CSMD1: variants seen among roughly 807,000 people sequenced by gnomAD.
CSMD1 encodes the protein CUB and sushi domain-containing protein 1.
CSMD1 carries 213 observed loss-of-function variants against 417.5 expected under a neutral mutation model. The observed-to-expected ratio is 0.51, with a 90% confidence interval of 0.46 to 0.57. CSMD1 has a LOEUF of 0.57. CSMD1 is among the 20% of genes least tolerant of loss of function. The pLI, the probability that CSMD1 is intolerant of heterozygous loss-of-function variation, is 0.00. For synonymous variants in CSMD1, 2,862 were observed against 1,736.8 expected (o/e 1.65, Z -16.11); for missense variants, 6,923 against 4,529.7 (o/e 1.53, Z -15.17).
chr8:3,012,108 C>T (rs1168102916), intron 52 of CSMD1, among the ~76,000 whole-genome samples: 5 of 152,052 alleles, frequency 3.3e-5, no homozygotes, highest in African/African-American at 9.7e-5. Flanking sequence ...CAGGAGTGAT[C>T]GTGTTGATGA....
chr8:3,158,691 A>T (rs1585510833), intron 38 of CSMD1, among the ~76,000 whole-genome samples: 1 of 151,628 alleles, frequency 6.6e-6, no homozygotes, highest in East Asian at 1.9e-4. Context: ...TTGTGCTAAC[A>T]TCTCTTTCTC....
chr8:4,056,530 A>T (rs889070534), intron 3 of CSMD1, among the ~76,000 whole-genome samples: 2 of 151,398 alleles, frequency 1.3e-5, no homozygotes, highest in Non-Finnish European at 1.5e-5. Flanking sequence ...ATTTAATTTC[A>T]ATTTTATTAT....
Position 3,215,425 on chromosome 8 carries a change from A to G in CSMD1, c.4673-734T>C, listed in dbSNP as rs986989648. Among the ~76,000 whole-genome samples the G allele has an allele frequency of 3.3e-5, 5 of 152,192 alleles. 1 individual carries two copies. Among genetic ancestry groups the G allele is most frequent in the Admixed American group, 3.3e-4 (5 of 15,284 alleles). The stretch of plus-strand genomic sequence containing the variant: ...AGGGCTCATTATGTACCAGACATGG[A>G]ACTAGGTGCATTTCTTGTTTAATTC... On this transcript the variant is annotated intron_variant, in intron 29 of 69. Coordinates refer to ENST00000635120, the MANE Select transcript of CSMD1 (RefSeq NM_033225.6).
At chr8:4,514,556 A>G (rs1038778805) in intron 2 of CSMD1, among the ~76,000 whole-genome samples, 4 of 152,224 alleles carry the variant, frequency 2.6e-5, no homozygotes, top group African/African-American at 7.2e-5. Flanking sequence ...CGCTAATTCC[A>G]ACTCAAAACT....
intron 1 of CSMD1, among the ~76,000 whole-genome samples, chr8:4,804,823 C>CTGA (rs1464696535): frequency 6.6e-6 from 1 of 152,160 alleles, no homozygotes; most frequent in Admixed American, 6.5e-5. Flanking sequence ...GATATGATTA[C>CTGA]TGATACTATT....
chr8:3,877,398 G>C (rs550670820), intron 5 of CSMD1, among the ~76,000 whole-genome samples: 2 of 152,192 alleles, frequency 1.3e-5, no homozygotes, highest in Admixed American at 6.5e-5. Flanking sequence ...CCGAACCCAC[G>C]TTCCATACAG....
At chr8:4,371,544 A>T (rs948767454) in intron 3 of CSMD1, among the ~76,000 whole-genome samples, 2 of 152,158 alleles carry the variant, frequency 1.3e-5, no homozygotes, top group South Asian at 2.1e-4. Flanking sequence ...ATCGTTATAA[A>T]TTTTTTAAAG....
At chr8:3,182,112 T>C (rs1009377770) in intron 36 of CSMD1, among the ~76,000 whole-genome samples, 25 of 152,318 alleles carry the variant, frequency 1.6e-4, no homozygotes, top group African/African-American at 5.8e-4. Flanking sequence ...AGTACTGCTG[T>C]ATAAAGGGAG....
At chr8:3,317,658 C>A (rs186699454) in intron 23 of CSMD1, among the ~76,000 whole-genome samples, 2 of 152,124 alleles carry the variant, frequency 1.3e-5, no homozygotes, top group Non-Finnish European at 2.9e-5. Context: ...GTAGAACCAG[C>A]CTACAGTTAT....
In CSMD1 at chr8:3,586,396, G is replaced by A. The variant is rs563190511; in HGVS notation, c.1098-136C>T. On this transcript the variant is annotated intron_variant, in intron 8 of 69. Transcript: ENST00000635120. The stretch of plus-strand genomic sequence containing the variant: ...GCCTAAGACATTAAGCAACTCATTA[G>A]GTAGTATGTATAGAGGCAACCCTGT... 48 of 794,272 alleles carry A rather than the reference G, an allele frequency of 6.0e-5. No individual in the cohort carries two copies. The Admixed American group carries it at 7.9e-4, about 13-fold the overall frequency. The allele number at this position is 794,272 out of a possible 1,614,324, so 49.2% of individuals were successfully genotyped here.
chr8:3,869,431 T>G (rs1050698405), intron 5 of CSMD1, among the ~76,000 whole-genome samples: 1 of 152,208 alleles, frequency 6.6e-6, no homozygotes, highest in African/African-American at 2.4e-5. Flanking sequence ...TCCAATCCTG[T>G]CCTGCCTTCA....
chr8:3,732,828 T>C (rs1796335456), intron 6 of CSMD1, among the ~76,000 whole-genome samples: 2 of 152,206 alleles, frequency 1.3e-5, no homozygotes, highest in Admixed American at 6.5e-5. Context: ...CAGGTATTTA[T>C]CGAGTGATTC....
chr8:3,817,925 A>G (rs1468821990), intron 5 of CSMD1, among the ~76,000 whole-genome samples: 1 of 152,192 alleles, frequency 6.6e-6, no homozygotes, highest in African/African-American at 2.4e-5. Context: ...ACTACCAGAC[A>G]AAAACCTGGT....
In CSMD1 at chr8:4,792,432, CCAAT is replaced by C. The variant is rs572446634; in HGVS notation, c.86-154878_86-154875del. 1.6e-3 allele frequency among the ~76,000 whole-genome samples: 248 copies of C among 152,280 alleles called. 1 individual carries two copies. Among genetic ancestry groups the C allele is most frequent in the African/African-American group, 5.7e-3 (236 of 41,554 alleles). On this transcript the variant is annotated intron_variant, in intron 1 of 69. Transcript: ENST00000635120. ...TACTCAATATTCAGCAGTGGTACAG[CCAAT>C]CAGTCTATCTTTGAACTCATCAGCT...
chr8:3,532,930 C>T (rs527760505), intron 10 of CSMD1, among the ~76,000 whole-genome samples: 1 of 152,240 alleles, frequency 6.6e-6, no homozygotes, highest in East Asian at 1.9e-4. Flanking sequence ...TGACATAGCA[C>T]ATATACTTTC....
At chr8:4,192,023 G>A (rs546613847) in intron 3 of CSMD1, among the ~76,000 whole-genome samples, 10 of 152,246 alleles carry the variant, frequency 6.6e-5, no homozygotes, top group Admixed American at 2.6e-4. Flanking sequence ...TCCCGCTGTT[G>A]CCAATTCTCC....
chr8:3,409,779 A>T (rs1812567757), intron 12 of CSMD1, among the ~76,000 whole-genome samples, 174 bp from the exon 13 acceptor site: 1 of 152,232 alleles, frequency 6.6e-6, no homozygotes, highest in African/African-American at 2.4e-5. Context: ...ATACCAGAAA[A>T]AGAATGTCAT....
At chr8:3,457,759 T>C (rs775011830) in intron 12 of CSMD1, among the ~76,000 whole-genome samples, 4 of 152,138 alleles carry the variant, frequency 2.6e-5, no homozygotes, top group African/African-American at 4.8e-5. Context: ...AATGAGAAAA[T>C]TGAAAGCAAC....
intron 1 of CSMD1, among the ~76,000 whole-genome samples, chr8:4,772,703 G>C (rs564789370): frequency 1.2e-4 from 19 of 152,282 alleles, no homozygotes; most frequent in African/African-American, 4.1e-4. Flanking sequence ...GATGTGCATT[G>C]AGTTAAGTTT....
Sources: gnomAD v4.1 joint callset for allele counts (sites outside exome capture counted in the v4.1 genomes callset) on GRCh38, gnomAD v4.1.1 for gene constraint, MANE v1.5 for transcripts, NCBI Gene and HGNC (gene_info 2026-07-23, HGNC 2026-07-21) for gene names.